MBNL2: variants seen among roughly 807,000 people sequenced by gnomAD.
MBNL2 encodes the protein muscleblind like splicing regulator 2.
In MBNL2, 17 loss-of-function variants were observed where a neutral mutation model predicts 41.9. The ratio of observed to expected loss-of-function variants is 0.41; its 90% CI spans 0.28 to 0.61. The LOEUF is 0.61. Ranked by LOEUF, MBNL2 falls within the 20% of genes least tolerant of loss-of-function variation. MBNL2 has a pLI of 0.35. For missense variants in MBNL2, 336 were observed against 505.6 expected, an observed-to-expected ratio of 0.66 and a Z score of 3.22; for synonymous variants, 195 against 182.9, an observed-to-expected ratio of 1.07 and a Z score of -0.53.
intron 8 of MBNL2, among the ~76,000 whole-genome samples, chr13:97,382,532 G>A (rs2065550918): frequency 6.6e-6 from 1 of 152,184 alleles, no homozygotes; most frequent in Non-Finnish European, 1.5e-5. Context: ...GAGTCGGAAT[G>A]GGAAGTATGG....
the MBNL2 span, among the ~76,000 whole-genome samples, chr13:97,149,250 G>A: frequency 6.6e-6 from 1 of 152,140 alleles, no homozygotes; most frequent in Non-Finnish European, 1.5e-5. Flanking sequence ...ATATGTTCGG[G>A]CTTCAGATGG....
chr13:97,349,418 A>G (rs2062212010), intron 5 of MBNL2, among the ~76,000 whole-genome samples: 1 of 152,174 alleles, frequency 6.6e-6, no homozygotes. Flanking sequence ...TCCCATAGGA[A>G]GCAAATTTTT....
At chr13:97,387,639 G>T (rs2066035130) in intron 8 of MBNL2, among the ~76,000 whole-genome samples, 1 of 152,198 alleles carries the variant, frequency 6.6e-6, no homozygotes, top group African/African-American at 2.4e-5. Flanking sequence ...CCGTCCCCAT[G>T]CCCTGGAGGG....
the MBNL2 span, among the ~76,000 whole-genome samples, chr13:97,213,657 G>T: frequency 6.6e-6 from 1 of 152,066 alleles, no homozygotes; most frequent in Non-Finnish European, 1.5e-5. Flanking sequence ...TCTACATCTT[G>T]CTTATCTTTA....
At chr13:97,359,203 C>G (rs975604020) in intron 7 of MBNL2, among the ~76,000 whole-genome samples, 2 of 151,670 alleles carry the variant, frequency 1.3e-5, no homozygotes, top group Non-Finnish European at 2.9e-5. Flanking sequence ...GGTAAACTTA[C>G]GTTAATGTCC....
intron 8 of MBNL2, among the ~76,000 whole-genome samples, chr13:97,372,225 T>A (rs1015211709): frequency 1.3e-5 from 2 of 152,164 alleles, no homozygotes; most frequent in Non-Finnish European, 2.9e-5. Context: ...CGAAATCAGA[T>A]TATATTCTGG....
chr13:97,211,302 G>A, the MBNL2 span, among the ~76,000 whole-genome samples: 2 of 152,120 alleles, frequency 1.3e-5, no homozygotes, highest in African/African-American at 2.4e-5. Context: ...AAGTGATTAG[G>A]CTTGTTGGAG....
intron 8 of MBNL2, among the ~76,000 whole-genome samples, chr13:97,370,467 C>A (rs112648861): frequency 6.6e-6 from 1 of 151,938 alleles, no homozygotes; most frequent in African/African-American, 2.4e-5. Flanking sequence ...GTTGGGAGTT[C>A]GAGACCAACC....
chr13:97,243,626 T>A (rs2044773869), intron 1 of MBNL2, among the ~76,000 whole-genome samples: 1 of 152,224 alleles, frequency 6.6e-6, no homozygotes, highest in South Asian at 2.1e-4. Context: ...TCTAATTAGT[T>A]GCTTCTAAGG....
chr13:97,341,595 G>A (rs1278322771), intron 3 of MBNL2, among the ~76,000 whole-genome samples: 11 of 152,026 alleles, frequency 7.2e-5, no homozygotes, highest in East Asian at 1.9e-4. Flanking sequence ...TGGATTTTAC[G>A]TCTGAGCCAT....
intron 8 of MBNL2, among the ~76,000 whole-genome samples, chr13:97,375,094 G>T (rs1474721567): frequency 6.6e-6 from 1 of 152,208 alleles, no homozygotes; most frequent in Non-Finnish European, 1.5e-5. Context: ...GCAGGTGGAT[G>T]TGGAGGACGG....
intron 8 of MBNL2, among the ~76,000 whole-genome samples, chr13:97,371,614 G>A (rs2064388966): frequency 6.6e-6 from 1 of 152,072 alleles, no homozygotes; most frequent in Non-Finnish European, 1.5e-5. Flanking sequence ...AAGCAGAATA[G>A]TGATGGAAAC....
chr13:97,230,887 T>C (rs9516877), intron 1 of MBNL2, among the ~76,000 whole-genome samples: 113,890 of 152,158 alleles, frequency 0.75, 43,177 homozygotes, highest in African/African-American at 0.88. Flanking sequence ...AGGGAACCTT[T>C]GTAGCTGTAT....
At chr13:97,305,537 G>A (rs1386987191) in intron 2 of MBNL2, among the ~76,000 whole-genome samples, 1 of 152,196 alleles carries the variant, frequency 6.6e-6, no homozygotes, top group African/African-American at 2.4e-5. Context: ...GCTAAGGCAG[G>A]CTGATCACTT....
At chr13:97,246,010 A>C (rs1383525111) in intron 1 of MBNL2, among the ~76,000 whole-genome samples, 7 of 152,180 alleles carry the variant, frequency 4.6e-5, no homozygotes, top group Non-Finnish European at 7.3e-5. Context: ...GCTCCCAGCT[A>C]CCTAAGAGAT....
At chr13:97,343,829 G>A (rs545920905) in intron 4 of MBNL2, among the ~76,000 whole-genome samples, 3 of 152,146 alleles carry the variant, frequency 2.0e-5, no homozygotes, top group African/African-American at 4.8e-5. Flanking sequence ...GTTTTGAGAC[G>A]TAGTTTCGCT....
chr13:97,239,572 G>A (rs927054094), intron 1 of MBNL2, among the ~76,000 whole-genome samples: 1 of 152,230 alleles, frequency 6.6e-6, no homozygotes, highest in Non-Finnish European at 1.5e-5. Flanking sequence ...CTATGAAGTT[G>A]TGCTTTAGTG....
intron 2 of MBNL2, among the ~76,000 whole-genome samples, chr13:97,315,842 A>G (rs376549733): frequency 3.7e-4 from 56 of 150,366 alleles, no homozygotes; most frequent in African/African-American, 1.3e-3. Flanking sequence ...GGAAGGCCTT[A>G]CTCGTGGGTG....
At chr13:97,361,669 A>G (rs967316434) in intron 7 of MBNL2, among the ~76,000 whole-genome samples, 5 of 151,696 alleles carry the variant, frequency 3.3e-5, no homozygotes, top group African/African-American at 1.2e-4. Flanking sequence ...TCCCAATGAT[A>G]TTCACATGCA....
Sources: allele counts gnomAD v4.1 joint callset (sites outside exome capture counted in the v4.1 genomes callset), GRCh38; gene constraint gnomAD v4.1.1; transcripts MANE v1.5; gene names NCBI Gene and HGNC (gene_info 2026-07-23, HGNC 2026-07-21).